Variants in KCNK10 observed in about 807,000 individuals in gnomAD.
KCNK10 encodes potassium two pore domain channel subfamily K member 10.
KCNK10 carries 25 observed loss-of-function variants against 47.7 expected under a neutral mutation model. The ratio of observed to expected loss-of-function variants is 0.52; its 90% CI spans 0.38 to 0.73. The LOEUF (loss-of-function observed/expected upper bound fraction) is 0.73, where lower values mean the gene tolerates loss of function less well. Among genes scored for constraint, KCNK10 ranks in the 30% least tolerant of loss-of-function variants. The probability of loss-of-function intolerance (pLI) is 0.00; values close to 1 mark genes in which losing one functional copy is unlikely to be tolerated. For synonymous variants in KCNK10, 303 were observed against 285.6 expected, an observed-to-expected ratio of 1.06 and a Z score of -0.61; for missense variants, 563 against 714.5, an observed-to-expected ratio of 0.79 and a Z score of 2.42.
At chr14:88,326,404 C>T, upstream of KCNK10, 1 of 1,610,928 alleles carries the variant, frequency 6.2e-7, no homozygotes, top group Non-Finnish European at 8.5e-7. Flanking sequence ...TATTTACAAG[C>T]TGGACTTCAC....
At chr14:88,217,088 C>T (rs1205227572) in intron 4 of KCNK10, among the ~76,000 whole-genome samples, 4 of 152,196 alleles carry the variant, frequency 2.6e-5, no homozygotes, top group South Asian at 2.1e-4. Context: ...ACCCAAGAGG[C>T]GGAGGTTGCA....
chr14:88,291,180 G>A (rs1887868230), intron 1 of KCNK10, among the ~76,000 whole-genome samples: 1 of 152,192 alleles, frequency 6.6e-6, no homozygotes, highest in African/African-American at 2.4e-5. Context: ...TCAGGCACAG[G>A]AGTTTTCTAA....
intron 1 of KCNK10, among the ~76,000 whole-genome samples, chr14:88,269,013 CTGTAG>C (rs1197324159): frequency 1.3e-5 from 2 of 152,130 alleles, no homozygotes; most frequent in Non-Finnish European, 2.9e-5. Flanking sequence ...TGGCATGCAC[CTGTAG>C]TCCCAGCTAC....
Position 88,181,096 on chromosome 14 carries a change from G to A in KCNK10, c.*4439C>T, listed in dbSNP as rs186714073. 5.8e-6 allele frequency: 2 copies of A among 345,052 alleles called. No individual in the cohort carries two copies. Among genetic ancestry groups the A allele is most frequent in the East Asian group, 4.3e-5 (1 of 23,300 alleles). 21.4% of individuals were successfully genotyped at this position (345,052 alleles called of 1,614,324 possible). ...TGGTTTTTCCTTTCTCGTTTTACAG[G>A]GGCTCTGAATGTTTGTTTTCCTACG... On this transcript the variant is annotated 3_prime_UTR_variant, in exon 7 of 7. Coordinates refer to ENST00000319231, the MANE Select transcript of KCNK10 (RefSeq NM_138317.3).
intron 4 of KCNK10, among the ~76,000 whole-genome samples, chr14:88,198,145 C>T (rs898733637): frequency 2.6e-5 from 4 of 152,126 alleles, no homozygotes; most frequent in South Asian, 2.1e-4. Flanking sequence ...CTGTAATGGA[C>T]GACCTTTAAA....
chr14:88,324,172 G>C (rs775523133), upstream of KCNK10, among the ~76,000 whole-genome samples: 3 of 152,236 alleles, frequency 2.0e-5, no homozygotes, highest in Non-Finnish European at 4.4e-5. Context: ...CAGCAGGGCA[G>C]ATGCGAAGGG....
At chr14:88,231,187 C>T (rs896429285) in intron 3 of KCNK10, among the ~76,000 whole-genome samples, 2 of 152,098 alleles carry the variant, frequency 1.3e-5, no homozygotes, top group East Asian at 1.9e-4. Flanking sequence ...GGCTGAGGCG[C>T]GAGGACCATT....
At chr14:88,203,658 G>A (rs1414440913) in intron 4 of KCNK10, among the ~76,000 whole-genome samples, 1 of 152,218 alleles carries the variant, frequency 6.6e-6, no homozygotes, top group African/African-American at 2.4e-5. Context: ...AGAATCTAGT[G>A]TTACCGGGGA....
chr14:88,273,116 A>G (rs917855724), intron 1 of KCNK10, among the ~76,000 whole-genome samples: 1 of 152,166 alleles, frequency 6.6e-6, no homozygotes, highest in Non-Finnish European at 1.5e-5. Flanking sequence ...AAGCCACAGG[A>G]CTGGATGAAG....
rs192226678 is a variant in KCNK10, at chr14:88,218,319, G to A, written c.681+9056C>T. 2.2e-4 allele frequency among the ~76,000 whole-genome samples: 34 copies of A among 152,280 alleles called. 1 individual carries two copies. Among genetic ancestry groups the A allele is most frequent in the Admixed American group, 1.2e-3 (18 of 15,288 alleles). On this transcript the variant is annotated intron_variant, in intron 4 of 6. Transcript: ENST00000319231. Reference sequence around the variant, plus strand: ...AGGCCTGCAGGAGTCTTTGGCTTCCGCCACATGCCCCTTCCTGGAATCTAA... The same window carrying A: ...AGGCCTGCAGGAGTCTTTGGCTTCCACCACATGCCCCTTCCTGGAATCTAA...
chr14:88,297,094 T>C (rs1397445108), intron 1 of KCNK10, among the ~76,000 whole-genome samples: 5 of 152,218 alleles, frequency 3.3e-5, no homozygotes, highest in Admixed American at 2.6e-4. Flanking sequence ...ATGGCTCTTG[T>C]TCCAGTTTAT....
At chr14:88,310,224 T>C in intron 1 of KCNK10, among the ~76,000 whole-genome samples, 1 of 135,522 alleles carries the variant, frequency 7.4e-6, no homozygotes, top group Non-Finnish European at 1.7e-5. Flanking sequence ...TATCATATGG[T>C]ATATGATATA....
intron 4 of KCNK10, among the ~76,000 whole-genome samples, chr14:88,211,389 G>T (rs1305113211): frequency 1.3e-5 from 2 of 152,200 alleles, no homozygotes; most frequent in Admixed American, 6.5e-5. Flanking sequence ...CAGACTCAGA[G>T]TTGTCATTTG....
intron 4 of KCNK10, among the ~76,000 whole-genome samples, chr14:88,196,716 C>T (rs530572257): frequency 2.6e-5 from 4 of 152,272 alleles, no homozygotes; most frequent in Non-Finnish European, 4.4e-5. Flanking sequence ...GCTCAGTTTA[C>T]GGCTTGGTTT....
At chr14:88,315,245 T>C (rs1215508388) in intron 1 of KCNK10, among the ~76,000 whole-genome samples, 1 of 152,208 alleles carries the variant, frequency 6.6e-6, no homozygotes, top group Admixed American at 6.5e-5. Context: ...GATAAATTCC[T>C]TTGGCCTAAA....
chr14:88,180,386 A>C lies in KCNK10; in HGVS notation c.*5149T>G, dbSNP rs1003837316. 6.2e-6 allele frequency: 1 copy of C among 162,050 alleles called. No homozygotes were observed. Among genetic ancestry groups the C allele is most frequent in the Non-Finnish European group, 1.3e-5 (1 of 75,034 alleles). The allele number at this position is 162,050 out of a possible 1,614,324, so 10.0% of individuals were successfully genotyped here. ...ATTGTCACTGGGTCCCCTGTCTGTG[A>C]CTCTGGGATGGGAAGGAGGCCAGAG... is the stretch of plus-strand genomic sequence containing the variant. On this transcript the variant is annotated 3_prime_UTR_variant, in exon 7 of 7. Coordinates refer to ENST00000319231, the MANE Select transcript of KCNK10 (RefSeq NM_138317.3).
At chr14:88,196,014 AG>A (rs1300748869) in intron 4 of KCNK10, among the ~76,000 whole-genome samples, 1 of 152,254 alleles carries the variant, frequency 6.6e-6, no homozygotes, top group Non-Finnish European at 1.5e-5. Context: ...AACTGTTATC[AG>A]GGAAGAGATG....
chr14:88,287,365 G>C (rs1887784470), intron 1 of KCNK10, among the ~76,000 whole-genome samples: 1 of 152,122 alleles, frequency 6.6e-6, no homozygotes, highest in African/African-American at 2.4e-5. Flanking sequence ...GGTGGTGTTT[G>C]GTTACATGAC....
chr14:88,227,332 C>T (rs3825678), intron 4 of KCNK10, 43 bp downstream of exon 4: 381,352 of 1,507,630 alleles, frequency 0.25, 51,138 homozygotes, highest in East Asian at 0.48. Context: ...CTAAAGCCAA[C>T]TGGATCACAG....
Sources: gnomAD v4.1 joint callset for allele counts (sites outside exome capture counted in the v4.1 genomes callset) on GRCh38, gnomAD v4.1.1 for gene constraint, MANE v1.5 for transcripts, NCBI Gene and HGNC (gene_info 2026-07-23, HGNC 2026-07-21) for gene names.